Variants in SFI1 observed in about 807,000 individuals in gnomAD.
SFI1 encodes the protein protein SFI1 homolog.
Under a neutral mutation model 207.5 loss-of-function variants are expected in SFI1, and 195 were observed. The ratio of observed to expected loss-of-function variants is 0.94; its 90% CI spans 0.84 to 1.06. SFI1 has a LOEUF of 1.06. Ranked by LOEUF, SFI1 falls within the 50% of genes least tolerant of loss-of-function variation. The probability of loss-of-function intolerance (pLI) is 0.00; values close to 1 mark genes in which losing one functional copy is unlikely to be tolerated. For synonymous variants in SFI1, 630 were observed against 598.9 expected (o/e 1.05, Z -0.76); for missense variants, 1,634 against 1,588.0 (o/e 1.03, Z -0.49).
chr22:31,566,861 T>C (rs1180299233), intron 8 of SFI1, among the ~76,000 whole-genome samples: 3 of 152,226 alleles, frequency 2.0e-5, no homozygotes, highest in Admixed American at 6.6e-5. Flanking sequence ...CTCTTTCTTA[T>C]TAATTTTAGG....
intron 5 of SFI1, among the ~76,000 whole-genome samples, chr22:31,547,628 T>G (rs969751145): frequency 7.1e-6 from 1 of 140,850 alleles, no homozygotes; most frequent in African/African-American, 2.7e-5. Flanking sequence ...TTTGTTTTTT[T>G]TTGTTTTTGA....
At chr22:31,616,548 A>AGGGG in intron 29 of SFI1, 197 bp from the exon 30 acceptor site, 1 of 509,084 alleles carries the variant, frequency 2.0e-6, no homozygotes, top group African/African-American at 2.0e-5. Flanking sequence ...ACTTTCCCCT[A>AGGGG]CAGTACCAGG....
chr22:31,611,451 A>G, intron 23 of SFI1, 148 bp downstream of exon 23: 1 of 1,047,952 alleles, frequency 9.5e-7, no homozygotes, highest in South Asian at 1.7e-5. Context: ...CTGTAAGACA[A>G]AGCTGCAGGA....
chr22:31,508,987 A>G (rs571971490), intron 2 of SFI1, among the ~76,000 whole-genome samples: 3 of 152,272 alleles, frequency 2.0e-5, no homozygotes, highest in South Asian at 4.1e-4. Flanking sequence ...CATAGGTTTT[A>G]TCGTGAATGT....
Position 31,602,617 on chromosome 22 carries a change from A to G in SFI1, c.1637A>G (p.His546Arg). Residue 546 changes from histidine (H) to arginine (R), a missense_variant, in exon 17 of 33, where the codon CAC (histidine) becomes CGC (arginine). Transcript: ENST00000400288. ...NRLAERMAIL[H>R]AERQLLYRSW... is the part of the protein sequence containing the mutation. Reference sequence around the variant, plus strand: ...CCTGTCCTGCCTCAGGCCATCCTTCACGCAGAGCGACAGCTTCTGTATAGG... The same window carrying G: ...CCTGTCCTGCCTCAGGCCATCCTTCGCGCAGAGCGACAGCTTCTGTATAGG... 1 of 1,613,924 alleles carries G rather than the reference A, an allele frequency of 6.2e-7. No individual in the cohort carries two copies. Among genetic ancestry groups the G allele is most frequent in the Non-Finnish European group, 8.5e-7 (1 of 1,179,994 alleles).
At chr22:31,587,842 T>C (rs2065246177) in intron 14 of SFI1, 2 of 151,946 alleles carry the variant, frequency 1.3e-5, no homozygotes, top group Admixed American at 6.6e-5. Flanking sequence ...GTAGATATTA[T>C]AGAAAATTTA....
rs1602442161 is a variant in SFI1 at position 31,544,769 on chromosome 22, A to G, written c.339-2092A>G. ...GACCCTGTCTCCAAAAAAAAGTCAG[A>G]TTTTTATTTTACTTTAACATCTTTA... On this transcript the variant is annotated intron_variant, in intron 4 of 32. Transcript: ENST00000400288. Among the ~76,000 whole-genome samples the G allele has an allele frequency of 2.6e-5, 4 of 152,216 alleles. No individual in the cohort carries two copies. The South Asian group carries it at 8.3e-4, about 32-fold the overall frequency.
intron 4 of SFI1, among the ~76,000 whole-genome samples, chr22:31,544,742 G>A (rs1034394075): frequency 6.6e-6 from 1 of 151,938 alleles, no homozygotes; most frequent in Admixed American, 6.6e-5. Flanking sequence ...GCAACAGAGC[G>A]AGACCCTGTC....
intron 15 of SFI1, among the ~76,000 whole-genome samples, chr22:31,590,670 A>C (rs982288713): frequency 2.0e-5 from 3 of 151,106 alleles, no homozygotes; most frequent in African/African-American, 7.3e-5. Context: ...ATGCCCAGCT[A>C]ATTTTTTGTG....
chr22:31,575,833 T>C (rs539032792), intron 10 of SFI1, among the ~76,000 whole-genome samples: 2 of 152,340 alleles, frequency 1.3e-5, no homozygotes, highest in Middle Eastern at 3.4e-3. Context: ...TTCCATTTAT[T>C]GCGCTTTTAC....
chr22:31,564,711 T>C lies in SFI1; in HGVS notation c.765+3319T>C, dbSNP rs559183237. On this transcript the variant is annotated intron_variant, in intron 8 of 32. Coordinates refer to ENST00000400288, the MANE Select transcript of SFI1 (RefSeq NM_001007467.3). ...CCCTTGTGGAGTCGAGGTCTCACCATGTTGCCCAGGCTGGTCTGAAACTCC... is the reference window on the plus strand; with the variant it reads ...CCCTTGTGGAGTCGAGGTCTCACCACGTTGCCCAGGCTGGTCTGAAACTCC... 2.6e-5 allele frequency among the ~76,000 whole-genome samples: 4 copies of C among 151,714 alleles called. No homozygotes were observed. In the East Asian group the frequency reaches 5.8e-4, roughly 22 times the overall value.
chr22:31,592,884 G>A (rs1392771541), intron 15 of SFI1, among the ~76,000 whole-genome samples: 7 of 128,952 alleles, frequency 5.4e-5, no homozygotes, highest in East Asian at 2.3e-4. Flanking sequence ...CCTCCCGGAC[G>A]GGCTGGCTGG....
rs746602897 is a variant in SFI1, at chr22:31,528,781, T to C, written c.184T>C (p.Leu62=). ...SSASFGIRRE[L]PSTSHLVQYR... is the part of the protein sequence containing the mutation. ...TGCATCCTTTGGGATCCGGAGGGAG[T>C]TACCTAGTACCAGTCATCTAGTGCA... is the stretch of plus-strand genomic sequence containing the variant. The change falls in exon 3 of 33, where the codon TTA becomes CTA. Residue 62 remains leucine, a synonymous_variant. Coordinates refer to ENST00000400288, the MANE Select transcript of SFI1 (RefSeq NM_001007467.3). 9 of 1,614,042 alleles carry C rather than the reference T, an allele frequency of 5.6e-6. No homozygotes were observed. The highest frequency in any genetic ancestry group is 1.6e-4 in the Middle Eastern group (1 of 6,062).
chr22:31,617,997 A>G (rs2072069996), intron 31 of SFI1, 118 bp from the exon 32 acceptor site: 1 of 1,170,510 alleles, frequency 8.5e-7, no homozygotes, highest in South Asian at 1.6e-5. Flanking sequence ...GGGCCCTACC[A>G]GACCACCTCT....
At chr22:31,602,418 G>C (rs987267900) in intron 16 of SFI1, 125 bp downstream of exon 16, 8 of 1,172,966 alleles carry the variant, frequency 6.8e-6, no homozygotes, top group Non-Finnish European at 1.0e-5. Flanking sequence ...TGTGACTGTT[G>C]AGGCAGGGCA....
intron 14 of SFI1, chr22:31,587,332 CACTTT>C (rs2065158394): frequency 1.7e-5 from 5 of 293,746 alleles, no homozygotes; most frequent in South Asian, 1.2e-4. Flanking sequence ...AGACAGGTTT[CACTTT>C]GTCACCCAGG....
intron 1 of SFI1, among the ~76,000 whole-genome samples, chr22:31,500,690 C>G (rs973810543): frequency 6.6e-6 from 1 of 152,178 alleles, no homozygotes; most frequent in African/African-American, 2.4e-5. Flanking sequence ...TTCCTGATCT[C>G]AGGTGATTCT....
At chr22:31,611,709 C>T in intron 23 of SFI1, 57 bp from the exon 24 acceptor site, 1 of 1,560,972 alleles carries the variant, frequency 6.4e-7, no homozygotes, top group East Asian at 2.3e-5. Context: ...CAGGACCCAC[C>T]CCAGGCTGTC....
At position 31,540,264 on chromosome 22, in the gene SFI1, TTTTA is replaced by T. The variant is rs532069846; in HGVS notation, c.339-6581_339-6578del. ...TGTTATTTATTTATATTTTATTTTA[TTTTA>T]TTTATTTATTTATTTTTATTTTATT... On this transcript the variant is annotated intron_variant, in intron 4 of 32. Transcript: ENST00000400288. Among the ~76,000 whole-genome samples the T allele has an allele frequency of 5.5e-3, 830 of 149,974 alleles. 12 individuals carry two copies. Among genetic ancestry groups the T allele is most frequent in the African/African-American group, 0.019 (773 of 40,900 alleles).
Sources: allele counts gnomAD v4.1 joint callset (sites outside exome capture counted in the v4.1 genomes callset), GRCh38; gene constraint gnomAD v4.1.1; transcripts MANE v1.5; gene names NCBI Gene and HGNC (gene_info 2026-07-23, HGNC 2026-07-21).